The following CDC42BPB variants were observed in gnomAD, a reference collection of about 807,000 sequenced individuals.
The protein encoded by CDC42BPB is serine/threonine-protein kinase MRCK beta.
A neutral mutation model predicts 214.9 loss-of-function variants in CDC42BPB; 37 were observed. That is an observed-to-expected ratio of 0.17 (90% CI 0.13 to 0.23). CDC42BPB has a LOEUF of 0.23. CDC42BPB is among the 10% of genes least tolerant of loss of function. The pLI, the probability that CDC42BPB is intolerant of heterozygous loss-of-function variation, is 1.00. For synonymous variants in CDC42BPB, 931 were observed against 884.0 expected (o/e 1.05, Z -0.94); for missense variants, 1,694 against 2,227.0 (o/e 0.76, Z 4.82).
rs1407786828 is a variant in CDC42BPB, at chr14:102,968,675, G to C, written c.2037C>G (p.His679Gln). The change falls in exon 15 of 37, where the codon CAC (histidine) becomes CAG (glutamine). Residue 679 changes from histidine to glutamine, a missense_variant. His to Gln is a conservative substitution (Grantham distance 24). Coordinates refer to ENST00000361246, the MANE Select transcript of CDC42BPB (RefSeq NM_006035.4). ...ATTTGATTTTGGAAATCTCTTGCTG[G>C]TGCTCTAAGGTGGCACCCGCTCCCC... ...GGRGAGATLE[H>Q]QQEISKIKSE... The C allele has an allele frequency of 6.2e-7, 1 of 1,614,102 alleles. No homozygotes were observed. The highest frequency in any genetic ancestry group is 1.7e-5 in the Admixed American group (1 of 60,018).
At chr14:102,964,795 A>C in intron 18 of CDC42BPB, 145 bp from the exon 19 acceptor site, 1 of 1,299,382 alleles carries the variant, frequency 7.7e-7, no homozygotes, top group Non-Finnish European at 9.7e-7. Context: ...GTGCCTCAGG[A>C]GTTTTAGTTT....
chr14:102,966,801 C>T (rs565827792), intron 17 of CDC42BPB, among the ~76,000 whole-genome samples: 16 of 152,330 alleles, frequency 1.1e-4, no homozygotes, highest in Middle Eastern at 3.4e-3. Flanking sequence ...TCTCTGAGAA[C>T]GCAAGGGGTG....
intron 1 of CDC42BPB, among the ~76,000 whole-genome samples, chr14:103,045,333 T>G (rs1377477569): frequency 6.6e-6 from 1 of 152,224 alleles, no homozygotes; most frequent in Non-Finnish European, 1.5e-5. Flanking sequence ...CCAAAAGCTC[T>G]GGAGGTTAAA....
At chr14:102,994,912 A>G (rs564891837) in intron 5 of CDC42BPB, among the ~76,000 whole-genome samples, 2 of 152,174 alleles carry the variant, frequency 1.3e-5, no homozygotes, top group Non-Finnish European at 2.9e-5. Flanking sequence ...CCTCCAGAGC[A>G]CAGTCCACCA....
intron 5 of CDC42BPB, among the ~76,000 whole-genome samples, chr14:102,991,668 A>G (rs1268924563): frequency 1.3e-5 from 2 of 152,102 alleles, no homozygotes; most frequent in African/African-American, 4.8e-5. Flanking sequence ...GTGGAGAGGG[A>G]GGGGGATGTA....
chr14:102,954,697 A>G lies in CDC42BPB; in HGVS notation c.2902-9T>C. The G allele has an allele frequency of 6.2e-7, 1 of 1,612,080 alleles. No homozygotes were observed. The highest frequency in any genetic ancestry group is 2.2e-5 in the East Asian group (1 of 44,852). On this transcript the variant is annotated splice_polypyrimidine_tract_variant and intron_variant, in intron 21 of 36. Coordinates refer to ENST00000361246, the MANE Select transcript of CDC42BPB (RefSeq NM_006035.4). ...TCACTAGCTGAGCTGGTCTGTGAGA[A>G]CCAAGAAAGAAAGAGTGGGGTGAAA...
chr14:102,991,930 C>G (rs1894511374), intron 5 of CDC42BPB, among the ~76,000 whole-genome samples: 1 of 152,196 alleles, frequency 6.6e-6, no homozygotes, highest in South Asian at 2.1e-4. Context: ...CCCCTAGCCA[C>G]AGAGGGCTAT....
chr14:103,052,483 C>G (rs145396676), intron 1 of CDC42BPB, among the ~76,000 whole-genome samples: 1,834 of 152,142 alleles, frequency 0.012, 17 homozygotes, highest in Non-Finnish European at 0.018. Flanking sequence ...TCAGTTAAGC[C>G]TTACTTATTA....
At chr14:103,010,148 G>A (rs1435403072) in intron 2 of CDC42BPB, among the ~76,000 whole-genome samples, 7 of 152,158 alleles carry the variant, frequency 4.6e-5, no homozygotes, top group East Asian at 3.8e-4. Context: ...TTAGCCGGGC[G>A]TGGTGGCACA....
intron 1 of CDC42BPB, among the ~76,000 whole-genome samples, chr14:103,030,098 G>C (rs1172021754): frequency 6.6e-6 from 1 of 152,188 alleles, no homozygotes; most frequent in Non-Finnish European, 1.5e-5. Flanking sequence ...CGCCCTCAGA[G>C]TGAGGCGCTC....
rs1202432178 is a variant in CDC42BPB at position 103,057,179 on chromosome 14, C to G, written c.-6G>C. ...AGCCGCACCTTGGCCGACATGGTGC[C>G]GCGCGGCCCGCTCCCGACGCGCCGG... On this transcript the variant is annotated 5_prime_UTR_variant, in exon 1 of 37. Coordinates refer to ENST00000361246, the MANE Select transcript of CDC42BPB (RefSeq NM_006035.4). The G allele has an allele frequency of 1.3e-5, 18 of 1,408,718 alleles. No homozygotes were observed. Among genetic ancestry groups the G allele is most frequent in the Non-Finnish European group, 1.7e-5 (18 of 1,076,750 alleles). 87.3% of individuals were successfully genotyped at this position (1,408,718 alleles called of 1,614,324 possible).
At chr14:102,958,782 G>A (rs17101099) in intron 21 of CDC42BPB, among the ~76,000 whole-genome samples, 8,707 of 152,024 alleles carry the variant, frequency 0.057, 292 homozygotes, top group African/African-American at 0.086. Flanking sequence ...CCCCAATGCC[G>A]AACTCTACAG....
chr14:103,041,486 T>A, intron 1 of CDC42BPB: 1 of 1,313,208 alleles, frequency 7.6e-7, no homozygotes, highest in Non-Finnish European at 1.1e-6. Context: ...CCAGCCAGAA[T>A]GGCATGGAAG....
chr14:103,011,942 CT>C (rs1247426415), intron 2 of CDC42BPB, among the ~76,000 whole-genome samples, 154 bp downstream of exon 2: 1 of 152,054 alleles, frequency 6.6e-6, no homozygotes, highest in African/African-American at 2.4e-5. Flanking sequence ...ATGGTGAGAC[CT>C]CATCTTAGAA....
intron 20 of CDC42BPB, 39 bp from the exon 21 acceptor site, chr14:102,959,749 T>G (rs1319073516): frequency 6.5e-7 from 1 of 1,546,700 alleles, no homozygotes; most frequent in Non-Finnish European, 8.8e-7. Context: ...GCAAAAAAAC[T>G]AAAGTCTACA....
chr14:103,037,352 G>A (rs1471985851), intron 1 of CDC42BPB, among the ~76,000 whole-genome samples: 1 of 151,862 alleles, frequency 6.6e-6, no homozygotes, highest in Non-Finnish European at 1.5e-5. Context: ...GAGTACAGTG[G>A]CACAATCATA....
intron 1 of CDC42BPB, among the ~76,000 whole-genome samples, chr14:103,031,417 C>T (rs1181827021): frequency 1.3e-5 from 2 of 152,260 alleles, no homozygotes; most frequent in South Asian, 2.1e-4. Context: ...TAAAACTTTA[C>T]GGCAAAGTCA....
At chr14:102,974,732 C>T (rs542067461) in intron 11 of CDC42BPB, among the ~76,000 whole-genome samples, 45 of 152,228 alleles carry the variant, frequency 3.0e-4, no homozygotes, top group South Asian at 2.1e-3. Flanking sequence ...CCAAGGCAGG[C>T]GGATCACGAG....
At position 102,981,935 on chromosome 14, in the gene CDC42BPB, C is replaced by T. The variant is rs181217217; in HGVS notation, c.892-914G>A. Among the ~76,000 whole-genome samples the T allele has an allele frequency of 5.1e-4, 78 of 152,088 alleles. 1 individual carries two copies. In the East Asian group the frequency reaches 0.011, roughly 22 times the overall value. On this transcript the variant is annotated intron_variant, in intron 7 of 36. Transcript: ENST00000361246. The stretch of plus-strand genomic sequence containing the variant: ...CGCACACACACGAGCTGAGGTCTGC[C>T]GAGGCCACACACCCTCATGGTAGAG...
Sources: allele counts gnomAD v4.1 joint callset (sites outside exome capture counted in the v4.1 genomes callset), GRCh38; gene constraint gnomAD v4.1.1; transcripts MANE v1.5; gene names NCBI Gene and HGNC (gene_info 2026-07-23, HGNC 2026-07-21).